Variants in TRIT1 observed in about 807,000 individuals in gnomAD.
The protein encoded by TRIT1 is tRNA isopentenyltransferase 1.
A neutral mutation model predicts 51.2 loss-of-function variants in TRIT1; 43 were observed. The observed-to-expected ratio is 0.84, with a 90% CI of 0.66 to 1.08. TRIT1 has a LOEUF of 1.08. TRIT1 is among the 50% of genes least tolerant of loss of function. The pLI is 0.00. For missense variants in TRIT1, 528 were observed against 578.4 expected (o/e 0.91, Z 0.89); for synonymous variants, 184 against 203.9 (o/e 0.90, Z 0.83).
chr1:39,882,338 C>T (rs1016528268), intron 1 of TRIT1, among the ~76,000 whole-genome samples: 1 of 152,218 alleles, frequency 6.6e-6, no homozygotes, highest in Non-Finnish European at 1.5e-5. Context: ...GGGAAAGGAA[C>T]TGCCCTTCTT....
rs1176815929 is a variant in TRIT1, at chr1:39,844,113, G to A, written c.1222C>T (p.Arg408Cys). 7 of 1,613,428 alleles carry A rather than the reference G, an allele frequency of 4.3e-6. No homozygotes were observed. Among genetic ancestry groups the A allele is most frequent in the East Asian group, 2.2e-5 (1 of 44,874 alleles). Reference protein sequence around the residue: ...DLCDRIIIGDREWAAHIKSKS... With the variant: ...DLCDRIIIGDCEWAAHIKSKS... The stretch of plus-strand genomic sequence containing the variant: ...CCCCATACTCTACCTGCCCATTCGC[G>A]ATCCCCAATGATGATTCGATCACAG... The change falls in exon 10 of 11, where the codon CGC becomes TGC. Residue 408 changes from arginine to cysteine, a missense_variant. Transcript: ENST00000316891.
At chr1:39,879,740 G>C (rs1193268921) in intron 1 of TRIT1, among the ~76,000 whole-genome samples, 1 of 151,714 alleles carries the variant, frequency 6.6e-6, no homozygotes, top group Non-Finnish European at 1.5e-5. Flanking sequence ...AGGTGCAGTG[G>C]TACATGCCTG....
At chr1:39,848,121 C>A (rs770729723) in intron 5 of TRIT1, 24 bp from the exon 6 acceptor site, 3 of 1,597,414 alleles carry the variant, frequency 1.9e-6, no homozygotes, top group Non-Finnish European at 1.7e-6. Flanking sequence ...AGCCCATCAA[C>A]CAGCAAGCAA....
intron 1 of TRIT1, among the ~76,000 whole-genome samples, chr1:39,882,076 T>C (rs902757920): frequency 6.6e-6 from 1 of 152,210 alleles, no homozygotes; most frequent in African/African-American, 2.4e-5. Flanking sequence ...CACAATAATG[T>C]TGTGTTATTG....
chr1:39,876,129 A>G (rs1427427539), intron 1 of TRIT1: 1 of 152,212 alleles, frequency 6.6e-6, no homozygotes, highest in Non-Finnish European at 1.5e-5. Flanking sequence ...TGAGGAATCC[A>G]AAACTACACA....
intron 8 of TRIT1, among the ~76,000 whole-genome samples, chr1:39,845,022 G>A (rs1642146343): frequency 6.6e-6 from 1 of 152,182 alleles, no homozygotes; most frequent in South Asian, 2.1e-4. Context: ...CAATGATGGC[G>A]ATCTGTGGCA....
chr1:39,883,428 T>C lies in TRIT1; in HGVS notation c.64A>G (p.Thr22Ala), dbSNP rs908628191. The change falls in exon 1 of 11, where the codon ACC becomes GCC. Residue 22 changes from threonine to alanine, a missense_variant. Transcript: ENST00000316891. ...CCGAGAATCACTACAAGAGGTAGGG[T>C]CCGTTGCAGGCCCCTGAGCCCACTG... The part of the protein sequence containing the change: ...VGSGLRGLQR[T>A]LPLVVILGAT... 1.9e-6 allele frequency: 3 copies of C among 1,613,382 alleles called. No individual in the cohort carries two copies. In the Admixed American group the frequency reaches 5.0e-5, roughly 27 times the overall value.
At chr1:39,853,407 T>G (rs970687620) in intron 3 of TRIT1, among the ~76,000 whole-genome samples, 1 of 107,060 alleles carries the variant, frequency 9.3e-6, no homozygotes, top group Non-Finnish European at 2.4e-5. Flanking sequence ...GCATCTGTTT[T>G]TTTTTTTGAG....
chr1:39,877,036 A>C (rs1299602249), intron 1 of TRIT1, among the ~76,000 whole-genome samples: 3 of 148,428 alleles, frequency 2.0e-5, no homozygotes, highest in East Asian at 1.9e-4. Context: ...AAAAAAAAAA[A>C]AAAAAAAACA....
rs185273695 is a variant in TRIT1, at chr1:39,839,687, C to T, written c.*2057G>A. Among the ~76,000 whole-genome samples, 39 of 152,306 alleles carry T rather than the reference C, an allele frequency of 2.6e-4. No individual in the cohort carries two copies. The highest frequency in any genetic ancestry group is 8.9e-4 in the African/African-American group (37 of 41,558). On this transcript the variant is annotated 3_prime_UTR_variant, in exon 11 of 11. Transcript: ENST00000316891. ...AGAATATGAACAGTGGGCTCAACCACACTGCCTTACACTTAGTAAGTGCTT... is the reference window on the plus strand; with the variant it reads ...AGAATATGAACAGTGGGCTCAACCATACTGCCTTACACTTAGTAAGTGCTT...
rs3033562 is a variant in TRIT1 at position 39,859,260 on chromosome 1, CAAAAAAAAAAAAAAAAAAAAA to C, written c.175-1864_175-1844del. Among the ~76,000 whole-genome samples, 16 of 19,018 alleles carry C rather than the reference CAAAAAAAAAAAAAAAAAAAAA, an allele frequency of 8.4e-4. No individual in the cohort carries two copies. In the South Asian group the frequency reaches 8.5e-3, roughly 10 times the overall value. 12.5% of individuals were successfully genotyped at this position (19,018 alleles called of 152,430 possible). On this transcript the variant is annotated intron_variant, in intron 1 of 10. Transcript: ENST00000316891. ...AACAGAGTGAGACTCGACTCCGTCT[CAAAAAAAAAAAAAAAAAAAAA>C]AAAAAAAAAAAAAAACGAAAGAGGC...
chr1:39,845,471 G>A (rs573378179), intron 8 of TRIT1, among the ~76,000 whole-genome samples: 1 of 152,204 alleles, frequency 6.6e-6, no homozygotes, highest in Non-Finnish European at 1.5e-5. Context: ...AAAGGCCTTC[G>A]GATGCCAACG....
At chr1:39,847,030 ATTTT>A (rs11285784) in intron 8 of TRIT1, 186 bp downstream of exon 8, 2 of 474,234 alleles carry the variant, frequency 4.2e-6, no homozygotes, top group African/African-American at 2.0e-5. Flanking sequence ...AATGCAAATA[ATTTT>A]TTTTTTTTTT....
rs1652481835 is a variant in TRIT1 at position 39,839,260 on chromosome 1, C to A, written c.*2484G>T. ...AAAATGGCATTCCTCATTCTCACTC[C>A]AGGCTGAGCAAATAGCCCAAAGCTC... On this transcript the variant is annotated 3_prime_UTR_variant, in exon 11 of 11. Coordinates refer to ENST00000316891, the MANE Select transcript of TRIT1 (RefSeq NM_017646.6). Among the ~76,000 whole-genome samples, 5 of 152,206 alleles carry A rather than the reference C, an allele frequency of 3.3e-5. No homozygotes were observed. Among genetic ancestry groups the A allele is most frequent in the Admixed American group, 3.3e-4 (5 of 15,288 alleles).
intron 2 of TRIT1, 52 bp from the exon 3 acceptor site, chr1:39,854,120 G>C: frequency 7.5e-7 from 1 of 1,341,826 alleles, no homozygotes. Flanking sequence ...ACTCACTTTG[G>C]AAGGACACCA....
chr1:39,874,132 C>A (rs1643969281), intron 1 of TRIT1, among the ~76,000 whole-genome samples: 1 of 152,140 alleles, frequency 6.6e-6, no homozygotes, highest in African/African-American at 2.4e-5. Context: ...GAGTTTGAAA[C>A]CAGCCTGGGT....
At chr1:39,874,441 A>G (rs896789418) in intron 1 of TRIT1, among the ~76,000 whole-genome samples, 2 of 152,174 alleles carry the variant, frequency 1.3e-5, no homozygotes, top group African/African-American at 4.8e-5. Flanking sequence ...ATTAACATAT[A>G]AAGATATCCA....
intron 1 of TRIT1, among the ~76,000 whole-genome samples, chr1:39,876,755 T>C (rs1644071108): frequency 6.6e-6 from 1 of 151,544 alleles, no homozygotes; most frequent in African/African-American, 2.4e-5. Context: ...GGTGAAACCC[T>C]GTCTCTACTA....
chr1:39,868,529 AG>A (rs1399044258), intron 1 of TRIT1, among the ~76,000 whole-genome samples: 2 of 151,942 alleles, frequency 1.3e-5, no homozygotes, highest in Non-Finnish European at 2.9e-5. Context: ...CTATAATCCC[AG>A]CTACTCAGGA....
Sources: gnomAD v4.1 joint callset for allele counts (sites outside exome capture counted in the v4.1 genomes callset) on GRCh38, gnomAD v4.1.1 for gene constraint, MANE v1.5 for transcripts, NCBI Gene and HGNC (gene_info 2026-07-23, HGNC 2026-07-21) for gene names.